EYA1: variants seen among roughly 807,000 people sequenced by gnomAD.
EYA1 encodes protein phosphatase EYA1.
EYA1 carries 16 observed loss-of-function variants against 82.0 expected under a neutral mutation model. The observed-to-expected ratio is 0.20, with a 90% CI of 0.13 to 0.30. The LOEUF is 0.30. EYA1 is among the 10% of genes least tolerant of loss of function. The pLI is 1.00. For missense variants in EYA1, 633 were observed against 730.7 expected, an observed-to-expected ratio of 0.87 and a Z score of 1.54; for synonymous variants, 261 against 264.4, an observed-to-expected ratio of 0.99 and a Z score of 0.12.
upstream of EYA1, among the ~76,000 whole-genome samples, chr8:71,365,494 A>T (rs967918789): frequency 2.0e-5 from 3 of 152,184 alleles, no homozygotes; most frequent in Non-Finnish European, 2.9e-5. Context: ...GCGAAATCCC[A>T]CTCATTATTT....
intron 3 of EYA1, among the ~76,000 whole-genome samples, chr8:71,352,684 A>G (rs919775920): frequency 1.3e-5 from 2 of 152,240 alleles, no homozygotes; most frequent in African/African-American, 4.8e-5. Flanking sequence ...TGAGGAGATC[A>G]CATAATTACC....
At chr8:71,517,659 G>C (rs954142581) in intron 2 of EYA1, among the ~76,000 whole-genome samples, 2 of 149,682 alleles carry the variant, frequency 1.3e-5, no homozygotes, top group African/African-American at 4.9e-5. Flanking sequence ...AAAGATAAAA[G>C]ATGATCAAGC....
intron 2 of EYA1, chr8:71,529,789 G>C (rs1001190525): frequency 1.3e-5 from 2 of 152,070 alleles, no homozygotes; most frequent in African/African-American, 4.8e-5. Flanking sequence ...AACAAAAAGA[G>C]GACTGAATAA....
chr8:71,506,281 T>C (rs1480116896), intron 2 of EYA1, among the ~76,000 whole-genome samples: 1 of 152,190 alleles, frequency 6.6e-6, no homozygotes, highest in Non-Finnish European at 1.5e-5. Flanking sequence ...CAAAAGTATT[T>C]AGAAAATTAA....
intron 2 of EYA1, among the ~76,000 whole-genome samples, chr8:71,395,687 G>A (rs1335613298): frequency 1.3e-5 from 2 of 151,980 alleles, no homozygotes; most frequent in Admixed American, 6.6e-5. Context: ...TGCAGGATTC[G>A]GCTTGCCAGT....
chr8:71,267,705 C>T (rs1458507027), intron 11 of EYA1, among the ~76,000 whole-genome samples: 23 of 152,216 alleles, frequency 1.5e-4, no homozygotes, highest in East Asian at 1.4e-3. Context: ...CCTGCCACCA[C>T]GCCTGGCTAA....
chr8:71,215,690 A>T lies in EYA1; in HGVS notation c.1399T>A (p.Leu467Met). The change falls in exon 15 of 18, where the codon TTG becomes ATG. Residue 467 changes from leucine (L) to methionine (M), a missense_variant. Coordinates refer to ENST00000340726, the MANE Select transcript of EYA1 (RefSeq NM_000503.6). ...GTCAGGGCTTCAATTTCGGCCCTCA[A>T]CTGCAGCCAGGCTTCCCTCTTAGCT... ...GPAKREAWLQ[L>M]RAEIEALTDS... 1.9e-6 allele frequency: 3 copies of T among 1,614,130 alleles called. No homozygotes were observed. The highest frequency in any genetic ancestry group is 1.7e-6 in the Non-Finnish European group (2 of 1,179,976).
intron 12 of EYA1, among the ~76,000 whole-genome samples, chr8:71,219,638 TAAG>T (rs1173338520): frequency 2.0e-5 from 3 of 152,230 alleles, no homozygotes; most frequent in African/African-American, 7.2e-5. Context: ...TTTTAAATCT[TAAG>T]GAGAAACTAT....
At chr8:71,216,512 G>A (rs1240610606) in intron 14 of EYA1, among the ~76,000 whole-genome samples, 180 bp downstream of exon 14, 2 of 152,122 alleles carry the variant, frequency 1.3e-5, no homozygotes, top group Admixed American at 1.3e-4. Flanking sequence ...AATAGCCAGG[G>A]CAGCTGGCTC....
intron 2 of EYA1, among the ~76,000 whole-genome samples, chr8:71,376,934 T>C (rs560213166): frequency 6.6e-6 from 1 of 152,294 alleles, no homozygotes; most frequent in African/African-American, 2.4e-5. Flanking sequence ...CCGTATGCTA[T>C]GCTCACTCTT....
chr8:71,252,600 C>T (rs994451786), intron 11 of EYA1, among the ~76,000 whole-genome samples: 2 of 152,128 alleles, frequency 1.3e-5, no homozygotes, highest in African/African-American at 4.8e-5. Context: ...CCAGAAGGGG[C>T]CATCACTGGT....
intron 2 of EYA1, among the ~76,000 whole-genome samples, chr8:71,442,270 T>A (rs549406153): frequency 6.6e-6 from 1 of 152,378 alleles, no homozygotes; most frequent in African/African-American, 2.4e-5. Context: ...AGGACTGGAC[T>A]GAACCATTAA....
chr8:71,274,863 T>C (rs563429646), intron 9 of EYA1, among the ~76,000 whole-genome samples: 2 of 149,082 alleles, frequency 1.3e-5, no homozygotes, highest in Non-Finnish European at 3.0e-5. Context: ...GAAGGTAAAG[T>C]GGGAGAGAGA....
chr8:71,305,248 C>T lies in EYA1; in HGVS notation c.557-5528G>A, dbSNP rs1026116039. The stretch of plus-strand genomic sequence containing the variant: ...CACCTCCAGATAAATAAAATAGAGC[C>T]GCTACATCCTATAATGCAAGGTTTT... On this transcript the variant is annotated intron_variant, in intron 7 of 17. Coordinates refer to ENST00000340726, the MANE Select transcript of EYA1 (RefSeq NM_000503.6). Among the ~76,000 whole-genome samples the T allele has an allele frequency of 1.5e-4, 22 of 142,606 alleles. 4 individuals carry two copies. Among genetic ancestry groups the T allele is most frequent in the Non-Finnish European group, 3.2e-4 (20 of 62,814 alleles). 93.6% of individuals were successfully genotyped at this position (142,606 alleles called of 152,430 possible).
intron 2 of EYA1, among the ~76,000 whole-genome samples, chr8:71,532,228 C>T (rs1458484021): frequency 6.6e-6 from 1 of 152,134 alleles, no homozygotes; most frequent in African/African-American, 2.4e-5. Context: ...TTGGAATGAA[C>T]ACACTCTTGT....
intron 7 of EYA1, among the ~76,000 whole-genome samples, chr8:71,312,914 C>T (rs1442824423): frequency 1.3e-5 from 2 of 152,220 alleles, no homozygotes; most frequent in Non-Finnish European, 2.9e-5. Flanking sequence ...ACATTCCCAT[C>T]TTCTTCCCTA....
At chr8:71,428,081 T>C (rs12677643) in intron 2 of EYA1, among the ~76,000 whole-genome samples, 18,880 of 152,126 alleles carry the variant, frequency 0.12, 1,599 homozygotes, top group East Asian at 0.37. Context: ...CCTGACCATG[T>C]TTCCATTGAA....
At chr8:71,292,103 A>C (rs529759101) in intron 9 of EYA1, among the ~76,000 whole-genome samples, 1 of 152,254 alleles carries the variant, frequency 6.6e-6, no homozygotes, top group East Asian at 1.9e-4. Context: ...GATAAAAGTC[A>C]ATTACAATTT....
chr8:71,457,101 G>T (rs1181668978), intron 2 of EYA1, among the ~76,000 whole-genome samples: 2 of 152,104 alleles, frequency 1.3e-5, no homozygotes, highest in Admixed American at 6.6e-5. Flanking sequence ...GTGGGCAAAG[G>T]ATATGAACAG....
Sources: allele counts gnomAD v4.1 joint callset (sites outside exome capture counted in the v4.1 genomes callset), GRCh38; gene constraint gnomAD v4.1.1; transcripts MANE v1.5; gene names NCBI Gene and HGNC (gene_info 2026-07-23, HGNC 2026-07-21).